CD247: variants seen among roughly 807,000 people sequenced by gnomAD.
CD247 encodes T-cell surface glycoprotein CD3 zeta chain.
A neutral mutation model predicts 30.0 loss-of-function variants in CD247; 13 were observed. The observed-to-expected ratio is 0.43, with a 90% CI of 0.28 to 0.69. CD247 has a LOEUF of 0.69. Among genes scored for constraint, CD247 ranks in the 30% least tolerant of loss-of-function variants. The pLI is 0.16. For missense variants in CD247, 193 were observed against 212.6 expected, an observed-to-expected ratio of 0.91 and a Z score of 0.57; for synonymous variants, 72 against 80.0, an observed-to-expected ratio of 0.90 and a Z score of 0.53.
intron 1 of CD247, among the ~76,000 whole-genome samples, chr1:167,445,179 G>A (rs764088078): frequency 2.0e-5 from 3 of 152,118 alleles, no homozygotes; most frequent in Non-Finnish European, 4.4e-5. Context: ...GCCCGCCTCG[G>A]CCTCCCAAAG....
intron 1 of CD247, among the ~76,000 whole-genome samples, chr1:167,514,310 G>A (rs1200249929): frequency 6.6e-6 from 1 of 151,894 alleles, no homozygotes; most frequent in South Asian, 2.1e-4. Context: ...TTAATTTTTT[G>A]CATTTTTTAG....
At chr1:167,451,671 C>T (rs1034856044) in intron 1 of CD247, among the ~76,000 whole-genome samples, 1 of 152,196 alleles carries the variant, frequency 6.6e-6, no homozygotes, top group South Asian at 2.1e-4. Flanking sequence ...ATTTTGCCCC[C>T]TGAAATTCTT....
intron 1 of CD247, among the ~76,000 whole-genome samples, chr1:167,474,700 G>C (rs986855770): frequency 6.7e-6 from 1 of 149,564 alleles, no homozygotes; most frequent in Non-Finnish European, 1.5e-5. Context: ...ACTGGCCAAC[G>C]ATGGAACAAC....
chr1:167,504,440 T>C (rs754571987), intron 1 of CD247, among the ~76,000 whole-genome samples: 6 of 152,268 alleles, frequency 3.9e-5, no homozygotes, highest in Non-Finnish European at 7.3e-5. Context: ...CTGCATTTTA[T>C]TTCTATCTCT....
At position 167,518,489 on chromosome 1, in the gene CD247, G is replaced by T. The variant is rs202159183; in HGVS notation, c.-24C>A. ...ATCTTGTCCTTTCCCTCAGAAAGAGGCTGGGAGGCAGAGGCTGAGGCAGCG... is the reference window on the plus strand; with the variant it reads ...ATCTTGTCCTTTCCCTCAGAAAGAGTCTGGGAGGCAGAGGCTGAGGCAGCG... On this transcript the variant is annotated 5_prime_UTR_variant, in exon 1 of 8. Transcript: ENST00000362089. 4.3e-5 allele frequency: 69 copies of T among 1,611,906 alleles called. No homozygotes were observed. In the African/African-American group the frequency reaches 6.9e-4, roughly 16 times the overall value.
intron 1 of CD247, among the ~76,000 whole-genome samples, chr1:167,513,685 G>A (rs1280469787): frequency 6.6e-6 from 1 of 152,158 alleles, no homozygotes; most frequent in Non-Finnish European, 1.5e-5. Context: ...CTCCAACAGT[G>A]TTAGCCTTGC....
chr1:167,436,549 T>C (rs1264143855), intron 4 of CD247, among the ~76,000 whole-genome samples: 3 of 152,200 alleles, frequency 2.0e-5, no homozygotes, highest in Admixed American at 6.5e-5. Context: ...AAAACCTGGA[T>C]ATCCACAAGC....
chr1:167,444,264 C>A (rs1651969837), intron 1 of CD247, among the ~76,000 whole-genome samples: 1 of 152,182 alleles, frequency 6.6e-6, no homozygotes, highest in African/African-American at 2.4e-5. Context: ...GGTGTAGGAG[C>A]TTCCCTGGAC....
At chr1:167,460,866 G>T (rs1250545087) in intron 1 of CD247, among the ~76,000 whole-genome samples, 1 of 152,148 alleles carries the variant, frequency 6.6e-6, no homozygotes, top group African/African-American at 2.4e-5. Flanking sequence ...GACACCAGGG[G>T]GACAGGGCAC....
intron 1 of CD247, among the ~76,000 whole-genome samples, chr1:167,470,464 T>G (rs1043434512): frequency 6.8e-6 from 1 of 146,994 alleles, no homozygotes; most frequent in Admixed American, 6.8e-5. Flanking sequence ...TTTTATTTCC[T>G]ATATGACTTT....
chr1:167,463,082 G>C (rs536884975), intron 1 of CD247, among the ~76,000 whole-genome samples: 1 of 152,118 alleles, frequency 6.6e-6, no homozygotes, highest in East Asian at 1.9e-4. Context: ...GGCAGTCGCC[G>C]GGCCATCCCA....
At chr1:167,463,167 T>C (rs1022517605) in intron 1 of CD247, among the ~76,000 whole-genome samples, 4 of 152,158 alleles carry the variant, frequency 2.6e-5, no homozygotes, top group Non-Finnish European at 2.9e-5. Context: ...CTGGTTAGCA[T>C]AGGAGGTCAC....
chr1:167,447,486 T>C lies in CD247; in HGVS notation c.59-6719A>G, dbSNP rs564952326. ...GTTAAAAAAAAAACTTTGAACCTAG[T>C]TCTGCCTTCAGAAGCACAAATCACA... On this transcript the variant is annotated intron_variant, in intron 1 of 7. Coordinates refer to ENST00000362089, the MANE Select transcript of CD247 (RefSeq NM_198053.3). 8.5e-5 allele frequency among the ~76,000 whole-genome samples: 13 copies of C among 152,236 alleles called. No individual in the cohort carries two copies. In the South Asian group the frequency reaches 2.7e-3, roughly 32 times the overall value.
chr1:167,431,139 T>C lies in CD247; in HGVS notation c.*542A>G. ...ACCTTCCCATGCCCCTGCAGCTCCC[T>C]GGTTGCACCTGGCCTAGGCTCCTTT... On this transcript the variant is annotated 3_prime_UTR_variant, in exon 8 of 8. Transcript: ENST00000362089. The C allele has an allele frequency of 5.2e-6, 2 of 387,028 alleles. No homozygotes were observed. Among genetic ancestry groups the C allele is most frequent in the Non-Finnish European group, 9.2e-6 (2 of 216,942 alleles). 24.0% of individuals were successfully genotyped at this position (387,028 alleles called of 1,614,324 possible).
At chr1:167,468,521 C>T (rs1653368607) in intron 1 of CD247, among the ~76,000 whole-genome samples, 1 of 152,178 alleles carries the variant, frequency 6.6e-6, no homozygotes, top group Non-Finnish European at 1.5e-5. Flanking sequence ...GACCATCAAT[C>T]AGTTTAATTC....
chr1:167,460,573 A>G (rs932262989), intron 1 of CD247, among the ~76,000 whole-genome samples: 11 of 151,970 alleles, frequency 7.2e-5, no homozygotes, highest in Non-Finnish European at 1.3e-4. Context: ...AACTACTCCC[A>G]CGGCCTCGGC....
chr1:167,434,234 T>A, intron 5 of CD247, 158 bp from the exon 6 acceptor site: 2 of 724,512 alleles, frequency 2.8e-6, no homozygotes, highest in East Asian at 5.1e-5. Context: ...CACAAACTTC[T>A]CTGCCCACAA....
chr1:167,434,002 A>C lies in CD247; in HGVS notation c.393+18T>G, dbSNP rs1416115304. Reference sequence around the variant, plus strand: ...CCAAGAGGAACTCCCTCGGAAATTAAGAAACAGCAACACTCACCTCGCCTT... The same window carrying C: ...CCAAGAGGAACTCCCTCGGAAATTACGAAACAGCAACACTCACCTCGCCTT... On this transcript the variant is annotated intron_variant, in intron 6 of 7. Coordinates refer to ENST00000362089, the MANE Select transcript of CD247 (RefSeq NM_198053.3). 1 of 1,610,718 alleles carries C rather than the reference A, an allele frequency of 6.2e-7. No individual in the cohort carries two copies. The highest frequency in any genetic ancestry group is 1.7e-5 in the Admixed American group (1 of 60,028).
At chr1:167,447,463 T>G (rs1423227777) in intron 1 of CD247, among the ~76,000 whole-genome samples, 2 of 149,026 alleles carry the variant, frequency 1.3e-5, no homozygotes, top group African/African-American at 2.5e-5. Flanking sequence ...TTTTCAGAGT[T>G]AAAAAAAAAA....
Sources: allele counts gnomAD v4.1 joint callset (sites outside exome capture counted in the v4.1 genomes callset), GRCh38; gene constraint gnomAD v4.1.1; transcripts MANE v1.5; gene names NCBI Gene and HGNC (gene_info 2026-07-23, HGNC 2026-07-21).